The following SGCD variants were observed in gnomAD, a reference collection of about 807,000 sequenced individuals.
SGCD encodes delta-sarcoglycan.
SGCD carries 18 observed loss-of-function variants against 36.6 expected under a neutral mutation model. That is an observed-to-expected ratio of 0.49 (90% CI 0.34 to 0.73). The LOEUF is 0.73. Among genes scored for constraint, SGCD ranks in the 30% least tolerant of loss-of-function variants. The probability of loss-of-function intolerance (pLI) is 0.01; values close to 1 mark genes in which losing one functional copy is unlikely to be tolerated. For synonymous variants in SGCD, 133 were observed against 130.6 expected, an observed-to-expected ratio of 1.02 and a Z score of -0.12; for missense variants, 387 against 346.7, an observed-to-expected ratio of 1.12 and a Z score of -0.92.
chr5:156,563,702 G>A (rs1759363673), intron 4 of SGCD, among the ~76,000 whole-genome samples: 1 of 152,076 alleles, frequency 6.6e-6, no homozygotes, highest in Non-Finnish European at 1.5e-5. Context: ...CCTTTGGGGG[G>A]ATCAGTTGGT....
intron 7 of SGCD, among the ~76,000 whole-genome samples, chr5:156,728,708 A>AT (rs1561880762): frequency 2.0e-5 from 3 of 151,756 alleles, no homozygotes; most frequent in African/African-American, 7.3e-5. Flanking sequence ...TTAGAGTAGC[A>AT]TTTTTTTCAA....
chr5:156,396,298 A>G (rs971818193), intron 3 of SGCD, among the ~76,000 whole-genome samples: 4 of 152,254 alleles, frequency 2.6e-5, no homozygotes, highest in African/African-American at 9.6e-5. Flanking sequence ...AAGGAAGCCA[A>G]GAAAATCATG....
chr5:156,570,483 G>A (rs1759674470), intron 4 of SGCD, among the ~76,000 whole-genome samples: 1 of 152,060 alleles, frequency 6.6e-6, no homozygotes, highest in Admixed American at 6.6e-5. Context: ...TTTAATTAAT[G>A]TGTTTTAAGC....
intron 4 of SGCD, among the ~76,000 whole-genome samples, chr5:156,547,538 G>A (rs1004517185): frequency 3.3e-5 from 5 of 152,044 alleles, no homozygotes. Context: ...CGCCTCCCGG[G>A]TTCACGCCAT....
chr5:156,475,089 C>A (rs1755123142), intron 3 of SGCD, among the ~76,000 whole-genome samples: 2 of 152,150 alleles, frequency 1.3e-5, no homozygotes, highest in African/African-American at 2.4e-5. Flanking sequence ...ATATGCCAGG[C>A]TCCACCAGCC....
chr5:155,914,997 C>T (rs1756707141), intron 1 of SGCD, among the ~76,000 whole-genome samples: 1 of 152,120 alleles, frequency 6.6e-6, no homozygotes, highest in Admixed American at 6.6e-5. Context: ...ACAGTGTACT[C>T]CCAGGAGGGT....
At chr5:156,723,169 A>G (rs962810924) in intron 7 of SGCD, among the ~76,000 whole-genome samples, 4 of 152,210 alleles carry the variant, frequency 2.6e-5, no homozygotes, top group Non-Finnish European at 5.9e-5. Flanking sequence ...CAGGATTACT[A>G]CAAGGAATGA....
intron 3 of SGCD, among the ~76,000 whole-genome samples, chr5:156,181,441 G>A (rs889334209): frequency 2.0e-5 from 3 of 152,168 alleles, no homozygotes; most frequent in African/African-American, 4.8e-5. Flanking sequence ...TTTATGTAAA[G>A]AGAGACTTTA....
chr5:156,639,444 C>T (rs963538076), intron 6 of SGCD, among the ~76,000 whole-genome samples: 12 of 152,148 alleles, frequency 7.9e-5, no homozygotes, highest in African/African-American at 2.9e-4. Flanking sequence ...AACACATGCA[C>T]CTCTGTGCAG....
At chr5:156,514,016 T>A (rs955223813) in intron 4 of SGCD, among the ~76,000 whole-genome samples, 9 of 152,246 alleles carry the variant, frequency 5.9e-5, no homozygotes, top group South Asian at 4.1e-4. Flanking sequence ...AGGGATTTAA[T>A]GCTATACAAC....
At chr5:155,808,503 A>G in the SGCD span, among the ~76,000 whole-genome samples, 2 of 152,224 alleles carry the variant, frequency 1.3e-5, no homozygotes, top group Non-Finnish European at 2.9e-5. Flanking sequence ...TATGGGATAC[A>G]TAGTAACTTC....
At chr5:156,448,380 G>A (rs1381893926) in intron 3 of SGCD, among the ~76,000 whole-genome samples, 1 of 152,072 alleles carries the variant, frequency 6.6e-6, no homozygotes, top group Non-Finnish European at 1.5e-5. Context: ...ACTCTACTGG[G>A]GATGAAGTAT....
At chr5:156,067,833 C>T in intron 1 of SGCD, among the ~76,000 whole-genome samples, 1 of 140,412 alleles carries the variant, frequency 7.1e-6, no homozygotes, top group Non-Finnish European at 1.5e-5. Context: ...GGCCTGCGCC[C>T]ACTGTCTGGC....
intron 1 of SGCD, among the ~76,000 whole-genome samples, chr5:155,933,534 A>G (rs950861590): frequency 1.3e-5 from 2 of 152,162 alleles, no homozygotes; most frequent in African/African-American, 4.8e-5. Flanking sequence ...TTAGTCATTA[A>G]TTGTTAGGTG....
At chr5:156,001,546 A>G (rs1039932161) in intron 1 of SGCD, among the ~76,000 whole-genome samples, 8 of 152,206 alleles carry the variant, frequency 5.3e-5, no homozygotes, top group South Asian at 2.1e-4. Context: ...TGAACTGTCA[A>G]TGTTTTCCAT....
chr5:156,759,199 C>A lies in SGCD; in HGVS notation c.700-18C>A. ...ACAGCCTCTGACCAATGCTTTCCTT[C>A]CTATTCTCTGTCTTTAGATTAAGTT... is the stretch of plus-strand genomic sequence containing the variant. On this transcript the variant is annotated intron_variant, in intron 8 of 8. Coordinates refer to ENST00000337851, the MANE Select transcript of SGCD (RefSeq NM_000337.6). The A allele has an allele frequency of 6.2e-7, 1 of 1,608,184 alleles. No homozygotes were observed. Among genetic ancestry groups the A allele is most frequent in the Non-Finnish European group, 8.5e-7 (1 of 1,174,904 alleles).
chr5:155,996,795 GATAAAA>G (rs1391997489), intron 1 of SGCD, among the ~76,000 whole-genome samples: 46 of 144,692 alleles, frequency 3.2e-4, no homozygotes, highest in African/African-American at 9.3e-4. Flanking sequence ...AAAAAAAAAA[GATAAAA>G]ATAAAAATAA....
intron 1 of SGCD, among the ~76,000 whole-genome samples, chr5:155,971,689 T>C (rs925861500): frequency 1.3e-5 from 2 of 152,102 alleles, no homozygotes; most frequent in African/African-American, 4.8e-5. Flanking sequence ...TATACTGATA[T>C]AATATTACCT....
chr5:156,098,161 T>G (rs528379665), intron 1 of SGCD, among the ~76,000 whole-genome samples: 1 of 152,338 alleles, frequency 6.6e-6, no homozygotes, highest in South Asian at 2.1e-4. Context: ...AATGTGGGCC[T>G]TTTCCAGTTA....
Sources: gnomAD v4.1 joint callset for allele counts (sites outside exome capture counted in the v4.1 genomes callset) on GRCh38, gnomAD v4.1.1 for gene constraint, MANE v1.5 for transcripts, NCBI Gene and HGNC (gene_info 2026-07-23, HGNC 2026-07-21) for gene names.